The following OR5H14 variants were observed in gnomAD, a reference collection of about 807,000 sequenced individuals.
OR5H14 encodes the protein olfactory receptor family 5 subfamily H member 14, also known as olfactory receptor 5H14.
For synonymous variants in OR5H14, 155 were observed against 130.6 expected, an observed-to-expected ratio of 1.19 and a Z score of -1.28; for missense variants, 392 against 363.9, an observed-to-expected ratio of 1.08 and a Z score of -0.63.
chr3:98,149,113 A>G (rs1396701160), intron 1 of OR5H14, among the ~76,000 whole-genome samples: 2 of 152,048 alleles, frequency 1.3e-5, no homozygotes, highest in Non-Finnish European at 2.9e-5. Flanking sequence ...TACCAGACAC[A>G]GGATTGTTCT....
Position 98,150,163 on chromosome 3 carries a change from A to T in OR5H14, c.778A>T (p.Met260Leu). The T allele has an allele frequency of 6.2e-7, 1 of 1,611,696 alleles. No homozygotes were observed. The highest frequency in any genetic ancestry group is 8.5e-7 in the Non-Finnish European group (1 of 1,179,074). Residue 260 changes from methionine to leucine, a missense_variant, in exon 2 of 2, where the codon ATG (methionine) becomes TTG (leucine). Met to Leu is a conservative substitution (Grantham distance 15). Transcript: ENST00000641380. ...LYYGPLAFMYMGSASPQADDQ... is the reference protein window; with the variant it reads ...LYYGPLAFMYLGSASPQADDQ... The stretch of plus-strand genomic sequence containing the variant: ...CTATGGGCCCCTCGCCTTCATGTAT[A>T]TGGGCTCTGCATCCCCACAGGCTGA...
rs765393898 is a variant in OR5H14, at chr3:98,149,749, C to T, written c.364C>T (p.Arg122Cys). 1.1e-5 allele frequency: 17 copies of T among 1,612,860 alleles called. No individual in the cohort carries two copies. Among genetic ancestry groups the T allele is most frequent in the South Asian group, 3.3e-5 (3 of 91,070 alleles). The part of the protein sequence containing the change: ...CFLLATMAYD[R>C]YVAICKPLLY... ...TCTCTTGGCAACAATGGCATATGAT[C>T]GCTATGTAGCCATATGCAAACCCTT... Residue 122 changes from arginine (R) to cysteine (C), a missense_variant, in exon 2 of 2, where the codon CGC becomes TGC. Arg to Cys is a radical substitution (Grantham distance 180). Coordinates refer to ENST00000641380, the MANE Select transcript of OR5H14 (RefSeq NM_001005514.2).
chr3:98,148,855 T>C (rs1708457221), intron 1 of OR5H14, among the ~76,000 whole-genome samples: 1 of 152,064 alleles, frequency 6.6e-6, no homozygotes, highest in South Asian at 2.1e-4. Flanking sequence ...TGGTTTGGGA[T>C]TGCTGGAACC....
chr3:98,149,078 C>T (rs72927987), intron 1 of OR5H14, among the ~76,000 whole-genome samples: 4,479 of 152,044 alleles, frequency 0.029, 213 homozygotes, highest in African/African-American at 0.097. Flanking sequence ...TTTCAAAAAC[C>T]TATTCCCCAG....
chr3:98,149,717 A>G lies in OR5H14; in HGVS notation c.332A>G (p.Glu111Gly). Reference sequence around the variant, plus strand: ...TCGTTTGCAATCAGTGTAACCACGGAATGTTTTCTCTTGGCAACAATGGCA... The same window carrying G: ...TCGTTTGCAATCAGTGTAACCACGGGATGTTTTCTCTTGGCAACAATGGCA... The part of the protein sequence containing the change: ...LFSFAISVTT[E>G]CFLLATMAYD... Residue 111 changes from glutamate (E) to glycine (G), a missense_variant, in exon 2 of 2, where the codon GAA becomes GGA. By Grantham distance (98) the Glu-to-Gly change is moderately conservative (BLOSUM62 -2). Coordinates refer to ENST00000641380, the MANE Select transcript of OR5H14 (RefSeq NM_001005514.2). 2.5e-6 allele frequency: 4 copies of G among 1,613,200 alleles called. No homozygotes were observed. Among genetic ancestry groups the G allele is most frequent in the Non-Finnish European group, 3.4e-6 (4 of 1,179,650 alleles).
rs760309662 is a variant in OR5H14, at chr3:98,149,439, A to G, written c.54A>G (p.Leu18=). 2 of 1,613,354 alleles carry G rather than the reference A, an allele frequency of 1.2e-6. No individual in the cohort carries two copies. The highest frequency in any genetic ancestry group is 1.1e-5 in the South Asian group (1 of 91,056). ...CAGAGTTTGTTCTCACAGGATTTTT[A>G]TATCAACCACAGTGGAAAATACCCC... ...LLTEFVLTGF[L]YQPQWKIPLF... Residue 18 remains leucine (L), a synonymous_variant, in exon 2 of 2, where the codon TTA becomes TTG. Coordinates refer to ENST00000641380, the MANE Select transcript of OR5H14 (RefSeq NM_001005514.2).
chr3:98,148,229 C>A (rs1708447814), intron 1 of OR5H14: 1 of 151,736 alleles, frequency 6.6e-6, no homozygotes, highest in Non-Finnish European at 1.5e-5. Context: ...AGTAGATAAC[C>A]TCCAACAGCT....
Position 98,153,298 on chromosome 3 carries a change from T to C in OR5H14, c.*2980T>C, listed in dbSNP as rs1708534157. 6.6e-6 allele frequency: 1 copy of C among 152,216 alleles called. No homozygotes were observed. 9.4% of individuals were successfully genotyped at this position (152,216 alleles called of 1,614,324 possible). A position where few individuals can be genotyped will look rare whatever the true frequency, so the allele number is the denominator to read the frequency against. On this transcript the variant is annotated 3_prime_UTR_variant, in exon 2 of 2. Transcript: ENST00000641380. ...TAAAACAAATAAAAGTTAATGGTTA[T>C]AGGCTAGGCACAGTGGCTCACGCCT...
rs1353145916 is a variant in OR5H14 at position 98,152,106 on chromosome 3, T to A, written c.*1788T>A. 1.3e-5 allele frequency: 2 copies of A among 152,162 alleles called. No homozygotes were observed. The highest frequency in any genetic ancestry group is 6.5e-5 in the Admixed American group (1 of 15,276). The allele number at this position is 152,162 out of a possible 1,614,324, so 9.4% of individuals were successfully genotyped here. A position where few individuals can be genotyped will look rare whatever the true frequency, so the allele number is the denominator to read the frequency against. On this transcript the variant is annotated 3_prime_UTR_variant, in exon 2 of 2. Transcript: ENST00000641380. ...AAATCAAAACCACAGTGAGATACCA[T>A]CTCACGCCAGTTAGAATGGCAATCA...
rs1442441731 is a variant in OR5H14 at position 98,156,600 on chromosome 3, T to C, written c.*6282T>C. On this transcript the variant is annotated 3_prime_UTR_variant, in exon 2 of 2. Coordinates refer to ENST00000641380, the MANE Select transcript of OR5H14 (RefSeq NM_001005514.2). ...TTGTGATTGTTATATAGGATACTTT[T>C]CTGATGGTTGTGATGTAGTTTCATT... The C allele has an allele frequency of 6.6e-6, 1 of 152,158 alleles. No homozygotes were observed. The highest frequency in any genetic ancestry group is 1.5e-5 in the Non-Finnish European group (1 of 67,996). The allele number at this position is 152,158 out of a possible 1,614,324, so 9.4% of individuals were successfully genotyped here.
rs1708541711 is a variant in OR5H14 at position 98,153,796 on chromosome 3, A to G, written c.*3478A>G. On this transcript the variant is annotated 3_prime_UTR_variant, in exon 2 of 2. Coordinates refer to ENST00000641380, the MANE Select transcript of OR5H14 (RefSeq NM_001005514.2). ...TGTTTTGGTGAACTTTTTAGCAGCC[A>G]GCTCAGTTGCATGTATGAAGATTGT... The G allele has an allele frequency of 2.0e-5, 3 of 152,132 alleles. No individual in the cohort carries two copies. The highest frequency in any genetic ancestry group is 2.9e-5 in the Non-Finnish European group (2 of 68,040). The allele number at this position is 152,132 out of a possible 1,614,324, so 9.4% of individuals were successfully genotyped here. A position where few individuals can be genotyped will look rare whatever the true frequency, so the allele number is the denominator to read the frequency against.
At position 98,152,606 on chromosome 3, in the gene OR5H14, A is replaced by C. The variant is rs1392392664; in HGVS notation, c.*2288A>C. The C allele has an allele frequency of 6.6e-6, 1 of 152,218 alleles. No homozygotes were observed. Among genetic ancestry groups the C allele is most frequent in the Non-Finnish European group, 1.5e-5 (1 of 68,064 alleles). 9.4% of individuals were successfully genotyped at this position (152,218 alleles called of 1,614,324 possible). A position where few individuals can be genotyped will look rare whatever the true frequency, so the allele number is the denominator to read the frequency against. On this transcript the variant is annotated 3_prime_UTR_variant, in exon 2 of 2. Coordinates refer to ENST00000641380, the MANE Select transcript of OR5H14 (RefSeq NM_001005514.2). ...TAAGTGTGGGTTGAACAATGGGAAC[A>C]CATGGACACAGGGAGGGGAACATCA... is the stretch of plus-strand genomic sequence containing the variant.
In OR5H14 at chr3:98,153,414, T is replaced by G. The variant is rs1427847256; in HGVS notation, c.*3096T>G. The stretch of plus-strand genomic sequence containing the variant: ...CTAGCCAACATGGTGAAACCCCATC[T>G]TTATGAAAAATGCAAAAAATTAGCC... On this transcript the variant is annotated 3_prime_UTR_variant, in exon 2 of 2. Coordinates refer to ENST00000641380, the MANE Select transcript of OR5H14 (RefSeq NM_001005514.2). 1 of 152,152 alleles carries G rather than the reference T, an allele frequency of 6.6e-6. No homozygotes were observed. Among genetic ancestry groups the G allele is most frequent in the Non-Finnish European group, 1.5e-5 (1 of 68,048 alleles). 9.4% of individuals were successfully genotyped at this position (152,152 alleles called of 1,614,324 possible). A position where few individuals can be genotyped will look rare whatever the true frequency, so the allele number is the denominator to read the frequency against.
In OR5H14 at chr3:98,149,454, G is replaced by T. The variant is rs758823022; in HGVS notation, c.69G>T (p.Trp23Cys). Residue 23 changes from tryptophan to cysteine, a missense_variant, in exon 2 of 2, where the codon TGG (tryptophan) becomes TGT (cysteine). Coordinates refer to ENST00000641380, the MANE Select transcript of OR5H14 (RefSeq NM_001005514.2). ...CAGGATTTTTATATCAACCACAGTG[G>T]AAAATACCCCTGTTCCTGGCATTCT... is the stretch of plus-strand genomic sequence containing the variant. ...VLTGFLYQPQ[W>C]KIPLFLAFLV... 322 of 1,613,226 alleles carry T rather than the reference G, an allele frequency of 2.0e-4. No individual in the cohort carries two copies. The highest frequency in any genetic ancestry group is 2.6e-4 in the Non-Finnish European group (304 of 1,179,504).
chr3:98,153,392 G>A lies in OR5H14; in HGVS notation c.*3074G>A, dbSNP rs1708536268. The A allele has an allele frequency of 6.6e-6, 1 of 152,204 alleles. No homozygotes were observed. The highest frequency in any genetic ancestry group is 2.4e-5 in the African/African-American group (1 of 41,448). 9.4% of individuals were successfully genotyped at this position (152,204 alleles called of 1,614,324 possible). On this transcript the variant is annotated 3_prime_UTR_variant, in exon 2 of 2. Coordinates refer to ENST00000641380, the MANE Select transcript of OR5H14 (RefSeq NM_001005514.2). ...AGGTCAGGAGTTCCAGACAAGCCTA[G>A]CCAACATGGTGAAACCCCATCTTTA...
At position 98,149,592 on chromosome 3, in the gene OR5H14, G is replaced by A; in HGVS notation, c.207G>A (p.Val69=). 6.2e-7 allele frequency: 1 copy of A among 1,613,496 alleles called. No individual in the cohort carries two copies. The highest frequency in any genetic ancestry group is 8.5e-7 in the Non-Finnish European group (1 of 1,179,584). The change falls in exon 2 of 2, where the codon GTG becomes GTA. Residue 69 remains valine (V), a synonymous_variant. Transcript: ENST00000641380. ...MYLLLGNLAF[V]DALLSSSVTL... is the part of the protein sequence containing the mutation. ...TACTCCTTGGGAATTTAGCTTTTGT[G>A]GATGCTTTGTTATCATCCTCAGTGA...
In OR5H14 at chr3:98,149,927, T is replaced by A. The variant is rs756775457; in HGVS notation, c.542T>A (p.Ile181Asn). 6.2e-7 allele frequency: 1 copy of A among 1,613,470 alleles called. No homozygotes were observed. The highest frequency in any genetic ancestry group is 1.3e-5 in the African/African-American group (1 of 74,876). Residue 181 changes from isoleucine (I) to asparagine (N), a missense_variant, in exon 2 of 2, where the codon ATT becomes AAT. Coordinates refer to ENST00000641380, the MANE Select transcript of OR5H14 (RefSeq NM_001005514.2). ...SNIIQHFYCD[I>N]IPLLKISYTD... is the part of the protein sequence containing the mutation. ...ATAATACAACACTTTTACTGTGACA[T>A]TATCCCATTGTTAAAGATTTCTTAT... is the stretch of plus-strand genomic sequence containing the variant.
chr3:98,150,570 G>A lies in OR5H14; in HGVS notation c.*252G>A. On this transcript the variant is annotated 3_prime_UTR_variant, in exon 2 of 2. Coordinates refer to ENST00000641380, the MANE Select transcript of OR5H14 (RefSeq NM_001005514.2). The stretch of plus-strand genomic sequence containing the variant: ...AGCAAATAAAAATATTGTACAGTAT[G>A]GTATGTTAATCACTGTGTCTTATAA... The A allele has an allele frequency of 6.7e-6, 2 of 299,328 alleles. No individual in the cohort carries two copies. The highest frequency in any genetic ancestry group is 1.2e-5 in the Non-Finnish European group (2 of 162,208). 18.5% of individuals were successfully genotyped at this position (299,328 alleles called of 1,614,324 possible). A position where few individuals can be genotyped will look rare whatever the true frequency, so the allele number is the denominator to read the frequency against.
In OR5H14 at chr3:98,155,788, T is replaced by C. The variant is rs1708582505; in HGVS notation, c.*5470T>C. ...TAATCACAGCATTCAAAGCATCCTA[T>C]TTTATGTACAAACTGAAGTGTGCGT... is the stretch of plus-strand genomic sequence containing the variant. On this transcript the variant is annotated 3_prime_UTR_variant, in exon 2 of 2. Transcript: ENST00000641380. 1 of 152,196 alleles carries C rather than the reference T, an allele frequency of 6.6e-6. No homozygotes were observed. Among genetic ancestry groups the C allele is most frequent in the Non-Finnish European group, 1.5e-5 (1 of 68,032 alleles). The allele number at this position is 152,196 out of a possible 1,614,324, so 9.4% of individuals were successfully genotyped here. A position where few individuals can be genotyped will look rare whatever the true frequency, so the allele number is the denominator to read the frequency against.
Sources: allele counts gnomAD v4.1 joint callset (sites outside exome capture counted in the v4.1 genomes callset), GRCh38; gene constraint gnomAD v4.1.1; transcripts MANE v1.5; gene names NCBI Gene and HGNC (gene_info 2026-07-23, HGNC 2026-07-21).